The following LRIF1 variants were observed in gnomAD, a reference collection of about 807,000 sequenced individuals.
LRIF1 encodes the protein ligand dependent nuclear receptor interacting factor 1.
LRIF1 carries 32 observed loss-of-function variants against 52.7 expected under a neutral mutation model. The ratio of observed to expected loss-of-function variants is 0.61; its 90% confidence interval spans 0.46 to 0.82. LRIF1 has a LOEUF of 0.82. LRIF1 is among the 40% of genes least tolerant of loss of function. The pLI is 0.00. For missense variants in LRIF1, 887 were observed against 892.0 expected, an observed-to-expected ratio of 0.99 and a Z score of 0.07; for synonymous variants, 323 against 317.4, an observed-to-expected ratio of 1.02 and a Z score of -0.19.
chr1:110,909,941 A>G, the LRIF1 span, among the ~76,000 whole-genome samples: 1 of 152,142 alleles, frequency 6.6e-6, no homozygotes, highest in East Asian at 1.9e-4. Context: ...CAAAAAGGAC[A>G]TTATATAATG....
At position 110,949,841 on chromosome 1, in the gene LRIF1, T is replaced by A; in HGVS notation, c.1869+10A>T. ...TACCTATGAAGAGCACATTAAAATG[T>A]ATTACCTACCTGTTTTCTCTCTCCT... On this transcript the variant is annotated intron_variant, in intron 3 of 3. Transcript: ENST00000369763. The A allele has an allele frequency of 6.2e-7, 1 of 1,611,116 alleles. No individual in the cohort carries two copies. Among genetic ancestry groups the A allele is most frequent in the East Asian group, 2.2e-5 (1 of 44,816 alleles).
the LRIF1 span, chr1:110,940,403 C>G: frequency 6.6e-6 from 1 of 152,094 alleles, no homozygotes; most frequent in Non-Finnish European, 1.5e-5. Flanking sequence ...AGCACAACTA[C>G]TATTGAGAAC....
the LRIF1 span, among the ~76,000 whole-genome samples, chr1:110,890,897 A>G: frequency 6.6e-6 from 1 of 152,354 alleles, no homozygotes; most frequent in Non-Finnish European, 1.5e-5. Flanking sequence ...TGAGGCGTGG[A>G]TATGTTCCCC....
chr1:110,944,140 A>G (rs186445362), downstream of LRIF1: 2 of 152,368 alleles, frequency 1.3e-5, no homozygotes, highest in East Asian at 3.9e-4. Context: ...TTCAGGGCTG[A>G]TGATAGCACT....
chr1:110,963,820 C>T lies in LRIF1; in HGVS notation c.-132G>A. Reference sequence around the variant, plus strand: ...CCACAGCAACTGTGAGGGGTTCGACCTTAACGGAGGGCGACAGCGGGCTCT... The same window carrying T: ...CCACAGCAACTGTGAGGGGTTCGACTTTAACGGAGGGCGACAGCGGGCTCT... On this transcript the variant is annotated 5_prime_UTR_variant, in exon 1 of 4. Transcript: ENST00000369763. 5 of 649,048 alleles carry T rather than the reference C, an allele frequency of 7.7e-6. No homozygotes were observed. The South Asian group carries it at 9.6e-5, about 12-fold the overall frequency. 40.2% of individuals were successfully genotyped at this position (649,048 alleles called of 1,614,324 possible).
intron 1 of LRIF1, among the ~76,000 whole-genome samples, chr1:110,961,014 T>C (rs1658926671): frequency 6.6e-6 from 1 of 152,212 alleles, no homozygotes; most frequent in African/African-American, 2.4e-5. Flanking sequence ...CTATCTATCC[T>C]ACTTGTACAG....
At chr1:110,919,774 A>G in the LRIF1 span, among the ~76,000 whole-genome samples, 1 of 152,216 alleles carries the variant, frequency 6.6e-6, no homozygotes, top group East Asian at 1.9e-4. Flanking sequence ...CAAGCCACAG[A>G]CTAGGAGAAA....
At chr1:110,917,628 TTTTTTGTTTTTTTG>T in the LRIF1 span, among the ~76,000 whole-genome samples, 8,086 of 116,194 alleles carry the variant, frequency 0.07, 245 homozygotes, top group East Asian at 0.2. Flanking sequence ...GGAGCTTATT[TTTTTTGTTTTTTTG>T]TTTTTGTTTT....
the LRIF1 span, among the ~76,000 whole-genome samples, chr1:110,915,576 C>A: frequency 6.6e-6 from 1 of 152,156 alleles, no homozygotes; most frequent in Non-Finnish European, 1.5e-5. Flanking sequence ...CCCTCACCAA[C>A]AGCAAAAGCA....
chr1:110,905,671 G>A, the LRIF1 span, among the ~76,000 whole-genome samples: 384 of 152,198 alleles, frequency 2.5e-3, 1 homozygote, highest in African/African-American at 8.9e-3. Context: ...GGATGTTAAT[G>A]AGCAATAAGT....
downstream of LRIF1, chr1:110,944,819 A>C (rs187712791): frequency 2.0e-5 from 3 of 152,122 alleles, no homozygotes; most frequent in South Asian, 6.2e-4. Flanking sequence ...GTGGTAAAAA[A>C]CGTTTTGAGG....
chr1:110,933,980 T>C, the LRIF1 span, among the ~76,000 whole-genome samples: 7 of 152,262 alleles, frequency 4.6e-5, no homozygotes, highest in East Asian at 5.8e-4. Flanking sequence ...GGACTTTGTC[T>C]TGTATCTTGT....
At chr1:110,956,650 G>A (rs1334315214) in intron 1 of LRIF1, among the ~76,000 whole-genome samples, 1 of 152,128 alleles carries the variant, frequency 6.6e-6, no homozygotes, top group African/African-American at 2.4e-5. Context: ...GTAGATAGGT[G>A]CAACAGAACA....
chr1:110,924,935 A>G, the LRIF1 span, among the ~76,000 whole-genome samples: 22 of 152,220 alleles, frequency 1.4e-4, no homozygotes, highest in East Asian at 3.9e-3. Context: ...AGAGAAAAAC[A>G]TATGATCATC....
At chr1:110,926,223 G>A in the LRIF1 span, among the ~76,000 whole-genome samples, 1 of 151,960 alleles carries the variant, frequency 6.6e-6, no homozygotes, top group Non-Finnish European at 1.5e-5. Context: ...TAAAAGACTT[G>A]ATCTATCAAA....
chr1:110,894,882 A>G, the LRIF1 span: 2 of 1,088,050 alleles, frequency 1.8e-6, no homozygotes. Context: ...GGAACCACTA[A>G]CCTATACTGG....
the LRIF1 span, among the ~76,000 whole-genome samples, chr1:110,915,614 TA>T: frequency 6.6e-6 from 1 of 152,170 alleles, no homozygotes; most frequent in Non-Finnish European, 1.5e-5. Context: ...GTCACTATCA[TA>T]AAGTCAGAAC....
In LRIF1 at chr1:110,949,912, A is replaced by G; in HGVS notation, c.1808T>C (p.Leu603Ser). The G allele has an allele frequency of 1.2e-6, 2 of 1,614,146 alleles. No individual in the cohort carries two copies. Among genetic ancestry groups the G allele is most frequent in the Middle Eastern group, 3.3e-4 (2 of 6,062 alleles). ...CTCTTTGTAAGTACCACTCTTTACC[A>G]AACTGCTAAAGGAATCGAAACCTTC... The part of the protein sequence containing the change: ...SGEGFDSFSS[L>S]VKSGTYKETE... Residue 603 changes from leucine (L) to serine (S), a missense_variant, in exon 3 of 4, where the codon TTG becomes TCG. Transcript: ENST00000369763.
At chr1:110,961,393 T>C (rs2101124878) in intron 1 of LRIF1, among the ~76,000 whole-genome samples, 1 of 152,348 alleles carries the variant, frequency 6.6e-6, no homozygotes, top group Admixed American at 6.5e-5. Context: ...CCCAAGTCTC[T>C]ATGACTTAAA....
Sources: gnomAD v4.1 joint callset for allele counts (sites outside exome capture counted in the v4.1 genomes callset) on GRCh38, gnomAD v4.1.1 for gene constraint, MANE v1.5 for transcripts, NCBI Gene and HGNC (gene_info 2026-07-23, HGNC 2026-07-21) for gene names.